The following CWH43 variants were observed in gnomAD, a reference collection of about 807,000 sequenced individuals.
CWH43 encodes the protein cell wall biogenesis 43 C-terminal homolog.
In CWH43, 91 loss-of-function variants were observed where a neutral mutation model predicts 85.7. The ratio of observed to expected loss-of-function variants is 1.06; its 90% CI spans 0.90 to 1.26. CWH43 has a LOEUF of 1.26. Among genes scored for constraint, CWH43 ranks in the 50% most tolerant of loss-of-function variants. The probability of loss-of-function intolerance (pLI) is 0.00; values close to 1 mark genes in which losing one functional copy is unlikely to be tolerated. For missense variants in CWH43, 869 were observed against 839.2 expected (o/e 1.04, Z -0.44); for synonymous variants, 323 against 293.6 (o/e 1.10, Z -1.02).
At position 48,986,438 on chromosome 4, in the gene CWH43, G is replaced by C. The variant is rs201789622; in HGVS notation, c.9G>C (p.Ser3=). ...TGCCCCTCGCCGCGGCGATGCCCTCGCTGTGGAGAGAAATCCTCTTGGAGT... is the reference window on the plus strand; with the variant it reads ...TGCCCCTCGCCGCGGCGATGCCCTCCCTGTGGAGAGAAATCCTCTTGGAGT... MP[S]LWREILLESL... is the part of the protein sequence containing the mutation. The change falls in exon 1 of 16, where the codon TCG becomes TCC. Residue 3 remains serine, a synonymous_variant. Transcript: ENST00000226432. The C allele has an allele frequency of 8.0e-5, 124 of 1,549,262 alleles. No individual in the cohort carries two copies. In the East Asian group the frequency reaches 2.6e-3, roughly 32 times the overall value.
At chr4:49,040,212 G>C (rs954382541) in intron 13 of CWH43, among the ~76,000 whole-genome samples, 1 of 152,298 alleles carries the variant, frequency 6.6e-6, no homozygotes, top group South Asian at 2.1e-4. Flanking sequence ...ACATACGTGT[G>C]CATGTGTCTT....
At chr4:49,033,345 C>T (rs1577692433) in intron 12 of CWH43, among the ~76,000 whole-genome samples, 1 of 152,132 alleles carries the variant, frequency 6.6e-6, no homozygotes, top group Non-Finnish European at 1.5e-5. Context: ...ATTTGGACAA[C>T]CTGGCTTAAG....
chr4:48,992,997 C>T lies in CWH43; in HGVS notation c.511+907C>T, dbSNP rs770261321. Reference sequence around the variant, plus strand: ...ACATTCATATCTAGAGGCAGAGACTCGGGCAGCCCATTTTGCCGGTACAGC... The same window carrying T: ...ACATTCATATCTAGAGGCAGAGACTTGGGCAGCCCATTTTGCCGGTACAGC... On this transcript the variant is annotated intron_variant, in intron 4 of 15. Transcript: ENST00000226432. This position sits in a 1 kb window ranked among gnomAD's most constrained non-coding sequence, Gnocchi z 4.3. Among the ~76,000 whole-genome samples, 2 of 152,166 alleles carry T rather than the reference C, an allele frequency of 1.3e-5. No homozygotes were observed. Among genetic ancestry groups the T allele is most frequent in the East Asian group, 1.9e-4 (1 of 5,188 alleles).
chr4:49,033,532 C>A (rs975651362), intron 12 of CWH43, among the ~76,000 whole-genome samples: 2 of 152,122 alleles, frequency 1.3e-5, no homozygotes, highest in Non-Finnish European at 2.9e-5. Flanking sequence ...GGATTTGAGA[C>A]AAGCACGTGA....
At chr4:49,042,114 G>T (rs1784481246) in intron 13 of CWH43, among the ~76,000 whole-genome samples, 1 of 152,166 alleles carries the variant, frequency 6.6e-6, no homozygotes, top group Non-Finnish European at 1.5e-5. Context: ...AGGGCTCAAT[G>T]GGGATAGTTC....
chr4:49,019,465 C>T (rs181765455), intron 9 of CWH43, among the ~76,000 whole-genome samples: 21 of 152,202 alleles, frequency 1.4e-4, no homozygotes, highest in Middle Eastern at 3.4e-3. Context: ...TAGAAGATGA[C>T]GTGGAGAGGC....
chr4:48,995,027 G>C (rs1206023478), intron 5 of CWH43, among the ~76,000 whole-genome samples: 1 of 152,230 alleles, frequency 6.6e-6, no homozygotes, highest in African/African-American at 2.4e-5. Context: ...TTGCTGAAAA[G>C]TAGATGTGGG....
At chr4:49,039,332 T>TATATATATATAC (rs1228183888) in intron 13 of CWH43, among the ~76,000 whole-genome samples, 1 of 48,484 alleles carries the variant, frequency 2.1e-5, no homozygotes, top group African/African-American at 6.6e-5. Flanking sequence ...TATATATATA[T>TATATATATATAC]ACTGATGTAT....
chr4:49,060,799 A>T (rs1305994976), intron 15 of CWH43, among the ~76,000 whole-genome samples: 1 of 152,174 alleles, frequency 6.6e-6, no homozygotes, highest in African/African-American at 2.4e-5. Context: ...AGCACTGGAA[A>T]GTCCTATTTT....
chr4:49,020,414 C>CATATATATAT (rs1187127418), intron 9 of CWH43, among the ~76,000 whole-genome samples: 2 of 57,686 alleles, frequency 3.5e-5, no homozygotes, highest in South Asian at 5.1e-4. Flanking sequence ...CACACACACA[C>CATATATATAT]ACATATATAT....
rs1227157445 is a variant in CWH43 at position 48,992,286 on chromosome 4, TACAG to T, written c.511+202_511+205del. On this transcript the variant is annotated intron_variant, in intron 4 of 15. Transcript: ENST00000226432. This position sits in a 1 kb window ranked among gnomAD's most constrained non-coding sequence, Gnocchi z 4.3. The stretch of plus-strand genomic sequence containing the variant: ...GCAGGAGGCACATTTTCCTTGCCTG[TACAG>T]ACAGAGGGTGAAAATAAAATACCAT... Among the ~76,000 whole-genome samples, 2 of 152,238 alleles carry T rather than the reference TACAG, an allele frequency of 1.3e-5. No individual in the cohort carries two copies. Among genetic ancestry groups the T allele is most frequent in the Non-Finnish European group, 2.9e-5 (2 of 68,040 alleles).
rs781682628 is a variant in CWH43 at position 48,991,496 on chromosome 4, T to A, written c.278T>A (p.Leu93Gln). 3.9e-5 allele frequency: 63 copies of A among 1,613,988 alleles called. No homozygotes were observed. The highest frequency in any genetic ancestry group is 5.3e-5 in the Non-Finnish European group (62 of 1,179,996). ...SFQAPNAKLR[L>Q]MVLALGVSSS... ...CAGGCTCCAAATGCCAAACTTCGAC[T>A]GATGGTTCTTGCGCTTGGGGTGTCT... The change falls in exon 3 of 16, where the codon CTG becomes CAG. Residue 93 changes from leucine to glutamine, a missense_variant. Physicochemically the swap from Leu to Gln is moderately radical, Grantham distance 113. This residue lies in a region of CWH43 where 140 missense variants were observed against 122.6 expected (regional missense o/e 1.14). Transcript: ENST00000226432.
intron 15 of CWH43, among the ~76,000 whole-genome samples, chr4:49,051,466 G>T (rs1784795689): frequency 6.6e-6 from 1 of 152,196 alleles, no homozygotes; most frequent in Admixed American, 6.5e-5. Context: ...TGGTATCTGG[G>T]CTGTGGAATT....
At chr4:49,003,167 G>A (rs1386325521) in intron 6 of CWH43, among the ~76,000 whole-genome samples, 1 of 152,192 alleles carries the variant, frequency 6.6e-6, no homozygotes, top group Admixed American at 6.5e-5. Context: ...CTAGCAGGCT[G>A]TTGGGTAATG....
At position 48,994,413 on chromosome 4, in the gene CWH43, T is replaced by C. The variant is rs553732549; in HGVS notation, c.512-206T>C. 2.0e-5 allele frequency among the ~76,000 whole-genome samples: 3 copies of C among 152,346 alleles called. No individual in the cohort carries two copies. In the South Asian group the frequency reaches 6.2e-4, roughly 32 times the overall value. ...TGCCTTTTCTCCCTTAAACCATTCC[T>C]TATCTGGCCTGCATGGAATTATGTC... On this transcript the variant is annotated intron_variant, in intron 4 of 15. Transcript: ENST00000226432.
intron 4 of CWH43, among the ~76,000 whole-genome samples, chr4:48,994,081 A>C (rs544883273): frequency 6.6e-6 from 1 of 152,240 alleles, no homozygotes; most frequent in South Asian, 2.1e-4. Context: ...AATTTGTAAA[A>C]TAGGATTAAT....
chr4:49,001,913 C>T lies in CWH43; in HGVS notation c.803-1822C>T, dbSNP rs181654097. 7.9e-5 allele frequency among the ~76,000 whole-genome samples: 12 copies of T among 152,184 alleles called. No individual in the cohort carries two copies. The East Asian group carries it at 2.1e-3, about 27-fold the overall frequency. On this transcript the variant is annotated intron_variant, in intron 6 of 15. Coordinates refer to ENST00000226432, the MANE Select transcript of CWH43 (RefSeq NM_025087.3). Reference sequence around the variant, plus strand: ...AACCTCACTAACAGTCAAATAAGTGCAATTTAAAATGTCATAGCATTTTCG... The same window carrying T: ...AACCTCACTAACAGTCAAATAAGTGTAATTTAAAATGTCATAGCATTTTCG...
chr4:49,017,267 G>T lies in CWH43; in HGVS notation c.1205G>T (p.Gly402Val). 7 of 1,611,652 alleles carry T rather than the reference G, an allele frequency of 4.3e-6. No homozygotes were observed. Among genetic ancestry groups the T allele is most frequent in the Non-Finnish European group, 5.9e-6 (7 of 1,178,676 alleles). ...TGTTTAGTTCTGTGGCTGCTTGTTGGTGTGGGATTGTTGGGATTAGGACTA... is the reference window on the plus strand; with the variant it reads ...TGTTTAGTTCTGTGGCTGCTTGTTGTTGTGGGATTGTTGGGATTAGGACTA... The part of the protein sequence containing the change: ...YMKLFLWLLV[G>V]VGLLGLGLRH... Residue 402 changes from glycine (G) to valine (V), a missense_variant, in exon 9 of 16, where the codon GGT (glycine) becomes GTT (valine). By Grantham distance (109) the Gly-to-Val change is moderately radical. Coordinates refer to ENST00000226432, the MANE Select transcript of CWH43 (RefSeq NM_025087.3).
chr4:49,023,587 G>A (rs774676318), intron 9 of CWH43, among the ~76,000 whole-genome samples: 4 of 152,036 alleles, frequency 2.6e-5, no homozygotes, highest in East Asian at 1.9e-4. Context: ...ATGTTGGTCC[G>A]GCTGGTCTTG....
Sources: gnomAD v4.1 joint callset for allele counts (sites outside exome capture counted in the v4.1 genomes callset) on GRCh38, gnomAD v4.1.1 for gene constraint, gnomAD v4.1.1 regional missense constraint, Gnocchi (gnomAD v3.1) non-coding constraint, MANE v1.5 for transcripts, NCBI Gene and HGNC (gene_info 2026-07-23, HGNC 2026-07-21) for gene names.